Variants in TTI1 observed in about 807,000 individuals in gnomAD.
The protein encoded by TTI1 is TELO2-interacting protein 1 homolog.
TTI1 carries 52 observed loss-of-function variants against 85.4 expected under a neutral mutation model. The ratio of observed to expected loss-of-function variants is 0.61; its 90% CI spans 0.49 to 0.77. The LOEUF (loss-of-function observed/expected upper bound fraction) is 0.77, where lower values mean the gene tolerates loss of function less well. Ranked by LOEUF, TTI1 falls within the 30% of genes least tolerant of loss-of-function variation. The pLI is 0.00. For synonymous variants in TTI1, 512 were observed against 503.9 expected, an observed-to-expected ratio of 1.02 and a Z score of -0.22; for missense variants, 1,173 against 1,296.0, an observed-to-expected ratio of 0.91 and a Z score of 1.46.
At chr20:38,010,813 A>C (rs1568621004) in intron 2 of TTI1, among the ~76,000 whole-genome samples, 1 of 152,176 alleles carries the variant, frequency 6.6e-6, no homozygotes, top group Non-Finnish European at 1.5e-5. Context: ...ATCTTCGGTA[A>C]GCACCCAATA....
At chr20:38,031,580 T>C (rs558945953) in intron 1 of TTI1, among the ~76,000 whole-genome samples, 1 of 152,380 alleles carries the variant, frequency 6.6e-6, no homozygotes, top group Non-Finnish European at 1.5e-5. Context: ...TTCTGACTTA[T>C]TCTAAACTTG....
chr20:37,996,622 G>A, intron 6 of TTI1, 127 bp downstream of exon 6: 1 of 1,399,294 alleles, frequency 7.1e-7, no homozygotes, highest in African/African-American at 1.4e-5. Flanking sequence ...GACAAATGAG[G>A]CCAAAATAAG....
chr20:37,993,173 G>A (rs1455925062), intron 7 of TTI1, among the ~76,000 whole-genome samples: 4 of 146,964 alleles, frequency 2.7e-5, no homozygotes, highest in African/African-American at 1.0e-4. Context: ...CACACAGCAA[G>A]GTCACATCCT....
intron 2 of TTI1, among the ~76,000 whole-genome samples, chr20:38,009,282 G>A (rs1057230003): frequency 1.3e-5 from 2 of 152,146 alleles, no homozygotes; most frequent in East Asian, 1.9e-4. Flanking sequence ...GCCTAAGTGG[G>A]TCTTATTCAT....
At chr20:37,984,091 T>C (rs558978720) in intron 7 of TTI1, among the ~76,000 whole-genome samples, 7 of 152,202 alleles carry the variant, frequency 4.6e-5, no homozygotes, top group African/African-American at 1.7e-4. Context: ...TGAGCAAGCC[T>C]TAATATTATG....
rs1291411946 is a variant in TTI1 at position 37,988,839 on chromosome 20, T to C, written c.3087-5200A>G. 2.0e-5 allele frequency among the ~76,000 whole-genome samples: 3 copies of C among 152,252 alleles called. No homozygotes were observed. The South Asian group carries it at 6.2e-4, about 32-fold the overall frequency. Reference sequence around the variant, plus strand: ...TAAGTTATTTTGGTGTTCCCGTTGTTCCCTCTCTGGCAGCACAGCCTCCAC... The same window carrying C: ...TAAGTTATTTTGGTGTTCCCGTTGTCCCCTCTCTGGCAGCACAGCCTCCAC... On this transcript the variant is annotated intron_variant, in intron 7 of 7. Transcript: ENST00000373447.
intron 2 of TTI1, 50 bp downstream of exon 2, chr20:38,011,465 A>C (rs1363859656): frequency 3.8e-6 from 6 of 1,577,714 alleles, no homozygotes; most frequent in Non-Finnish European, 5.2e-6. Flanking sequence ...AAACTAGGAG[A>C]CTGAGTCCTG....
At chr20:37,995,059 T>C (rs2073319395) in intron 7 of TTI1, among the ~76,000 whole-genome samples, 1 of 152,132 alleles carries the variant, frequency 6.6e-6, no homozygotes, top group Non-Finnish European at 1.5e-5. Context: ...TGTTCTTGAG[T>C]TGCACTTTAA....
chr20:38,016,583 C>T (rs1176803647), intron 1 of TTI1, among the ~76,000 whole-genome samples: 2 of 152,112 alleles, frequency 1.3e-5, no homozygotes, highest in African/African-American at 4.8e-5. Flanking sequence ...AGCTAGAAAC[C>T]CTAGAATCTC....
chr20:38,003,087 A>T (rs1399883073), intron 3 of TTI1, among the ~76,000 whole-genome samples: 2 of 152,096 alleles, frequency 1.3e-5, no homozygotes, highest in African/African-American at 4.8e-5. Flanking sequence ...CAGCCTCCTG[A>T]GTGGCTAGGA....
chr20:38,027,664 G>A (rs74578721), intron 1 of TTI1, among the ~76,000 whole-genome samples: 2 of 152,156 alleles, frequency 1.3e-5, no homozygotes, highest in African/African-American at 4.8e-5. Flanking sequence ...AGTGGCTCAC[G>A]CCTGCATCCC....
chr20:37,996,195 G>A (rs2073335688), intron 7 of TTI1, among the ~76,000 whole-genome samples, 180 bp downstream of exon 7: 1 of 152,118 alleles, frequency 6.6e-6, no homozygotes, highest in Admixed American at 6.5e-5. Context: ...AAAGGTTACT[G>A]GCAAAGAGAA....
At position 37,999,167 on chromosome 20, in the gene TTI1, TG is replaced by T. The variant is rs1216138729; in HGVS notation, c.2793+20del. 2 of 1,388,118 alleles carry T rather than the reference TG, an allele frequency of 1.4e-6. No individual in the cohort carries two copies. The highest frequency in any genetic ancestry group is 1.9e-5 in the South Asian group (1 of 53,144). 86.0% of individuals were successfully genotyped at this position (1,388,118 alleles called of 1,614,324 possible). A position where few individuals can be genotyped will look rare whatever the true frequency, so the allele number is the denominator to read the frequency against. ...CTAACTCTACCCTCACAACAGACCA[TG>T]GGGGATGCTGGTGCAGTACCTTGAA... On this transcript the variant is annotated intron_variant, in intron 5 of 7. Transcript: ENST00000373447.
chr20:38,015,839 C>T (rs1003605643), intron 1 of TTI1, among the ~76,000 whole-genome samples: 1 of 152,122 alleles, frequency 6.6e-6, no homozygotes, highest in African/African-American at 2.4e-5. Context: ...GAGACGCAAA[C>T]TGTGAGACTT....
rs911044109 is a variant in TTI1 at position 37,999,523 on chromosome 20, A to C, written c.2653-195T>G. ...AAAATACACGTTTCCTTGCCTTTGCAGGGTTCATGGTCAGCTGGGGAAAGA... is the reference window on the plus strand; with the variant it reads ...AAAATACACGTTTCCTTGCCTTTGCCGGGTTCATGGTCAGCTGGGGAAAGA... On this transcript the variant is annotated intron_variant, in intron 4 of 7. Coordinates refer to ENST00000373447, the MANE Select transcript of TTI1 (RefSeq NM_001303457.2). 4.6e-5 allele frequency among the ~76,000 whole-genome samples: 7 copies of C among 152,352 alleles called. No individual in the cohort carries two copies. The East Asian group carries it at 1.2e-3, about 25-fold the overall frequency.
chr20:38,000,952 TAGTC>T (rs1363818105), intron 4 of TTI1, among the ~76,000 whole-genome samples: 1 of 152,196 alleles, frequency 6.6e-6, no homozygotes, highest in African/African-American at 2.4e-5. Context: ...AGCTCTGTCT[TAGTC>T]AGCAGGGTTT....
At chr20:38,002,480 G>C (rs2073439364) in intron 4 of TTI1, 148 bp downstream of exon 4, 3 of 1,058,576 alleles carry the variant, frequency 2.8e-6, no homozygotes, top group Admixed American at 4.9e-5. Flanking sequence ...TCACCCCACA[G>C]ACAAATTCCT....
chr20:38,020,225 C>T (rs2073742922), intron 1 of TTI1, among the ~76,000 whole-genome samples: 1 of 148,926 alleles, frequency 6.7e-6, no homozygotes, highest in Admixed American at 6.7e-5. Context: ...TCCAGCTACA[C>T]ACCTGACAAA....
At chr20:38,025,705 T>C (rs1470949901) in intron 1 of TTI1, among the ~76,000 whole-genome samples, 1 of 152,242 alleles carries the variant, frequency 6.6e-6, no homozygotes, top group East Asian at 1.9e-4. Context: ...CAATTATGAA[T>C]ATACTTCAAA....
Sources: gnomAD v4.1 joint callset for allele counts (sites outside exome capture counted in the v4.1 genomes callset) on GRCh38, gnomAD v4.1.1 for gene constraint, MANE v1.5 for transcripts, NCBI Gene and HGNC (gene_info 2026-07-23, HGNC 2026-07-21) for gene names.